The following ST6GALNAC3 variants were observed in gnomAD, a reference collection of about 807,000 sequenced individuals.
ST6GALNAC3 encodes alpha-N-acetylgalactosaminide alpha-2,6-sialyltransferase 3.
In ST6GALNAC3, 25 loss-of-function variants were observed where a neutral mutation model predicts 32.7. The observed-to-expected ratio is 0.76, with a 90% confidence interval of 0.56 to 1.07. The LOEUF is 1.07. Ranked by LOEUF, ST6GALNAC3 falls within the 50% of genes least tolerant of loss-of-function variation. ST6GALNAC3 has a pLI of 0.00. For synonymous variants in ST6GALNAC3, 129 were observed against 133.1 expected, an observed-to-expected ratio of 0.97 and a Z score of 0.21; for missense variants, 355 against 382.4, an observed-to-expected ratio of 0.93 and a Z score of 0.60.
intron 1 of ST6GALNAC3, among the ~76,000 whole-genome samples, chr1:76,138,825 T>C (rs1231590512): frequency 6.6e-6 from 1 of 152,154 alleles, no homozygotes; most frequent in Admixed American, 6.5e-5. Flanking sequence ...AGCTTTGTAA[T>C]GGCAGCCAAA....
intron 3 of ST6GALNAC3, among the ~76,000 whole-genome samples, chr1:76,430,024 G>A (rs1655647676): frequency 6.6e-6 from 1 of 152,116 alleles, no homozygotes; most frequent in Non-Finnish European, 1.5e-5. Context: ...CTAAAACTAG[G>A]TTGGCCTTTA....
intron 1 of ST6GALNAC3, among the ~76,000 whole-genome samples, chr1:76,255,772 C>T (rs186706926): frequency 1.9e-3 from 285 of 152,036 alleles, no homozygotes; most frequent in African/African-American, 6.4e-3. Flanking sequence ...CTTAATCTTT[C>T]TCTCTTGCGT....
chr1:76,305,444 A>G (rs1660990680), intron 1 of ST6GALNAC3, among the ~76,000 whole-genome samples: 1 of 152,074 alleles, frequency 6.6e-6, no homozygotes, highest in Non-Finnish European at 1.5e-5. Flanking sequence ...GGTCTTGTAT[A>G]TCATACCAAG....
chr1:76,628,702 G>A lies in ST6GALNAC3; in HGVS notation c.814G>A (p.Ala272Thr). 6.2e-7 allele frequency: 1 copy of A among 1,612,290 alleles called. No individual in the cohort carries two copies. Among genetic ancestry groups the A allele is most frequent in the African/African-American group, 1.3e-5 (1 of 74,866 alleles). Residue 272 changes from alanine to threonine, a missense_variant, in exon 5 of 5, where the codon GCC (alanine) becomes ACC (threonine). Transcript: ENST00000328299. ...TGATGAATATTTTCTTCATGAACAT[G>A]CCCCATATGGGGGTCATAGGTTTAT... ...ECDEYFLHEH[A>T]PYGGHRFITE...
Position 76,074,794 on chromosome 1 carries a change from C to T in ST6GALNAC3, c.-73C>T. On this transcript the variant is annotated 5_prime_UTR_variant, in exon 1 of 5. Coordinates refer to ENST00000328299, the MANE Select transcript of ST6GALNAC3 (RefSeq NM_152996.4). ...AGAGGTCCTGCCGTGGTACCAGCCTCCAGCCTGCCCCCAGGACTGCCCCTG... is the reference window on the plus strand; with the variant it reads ...AGAGGTCCTGCCGTGGTACCAGCCTTCAGCCTGCCCCCAGGACTGCCCCTG... 6.5e-7 allele frequency: 1 copy of T among 1,537,032 alleles called. No homozygotes were observed. The highest frequency in any genetic ancestry group is 8.8e-7 in the Non-Finnish European group (1 of 1,138,222).
intron 1 of ST6GALNAC3, among the ~76,000 whole-genome samples, chr1:76,293,257 A>G (rs1479032174): frequency 6.6e-6 from 1 of 152,152 alleles, no homozygotes; most frequent in African/African-American, 2.4e-5. Context: ...GATTTTGCCA[A>G]TAATGCTGTT....
chr1:76,281,941 C>A (rs1557751016), intron 1 of ST6GALNAC3, among the ~76,000 whole-genome samples: 1 of 152,110 alleles, frequency 6.6e-6, no homozygotes, highest in Non-Finnish European at 1.5e-5. Flanking sequence ...GTTAGCTCAA[C>A]TGACGATACC....
chr1:76,387,783 A>G (rs938223328), intron 2 of ST6GALNAC3, among the ~76,000 whole-genome samples: 1 of 152,136 alleles, frequency 6.6e-6, no homozygotes, highest in Non-Finnish European at 1.5e-5. Context: ...TTGATCTGAG[A>G]TACAGCATTC....
At chr1:76,535,851 G>A (rs1170912102) in intron 3 of ST6GALNAC3, among the ~76,000 whole-genome samples, 1 of 151,722 alleles carries the variant, frequency 6.6e-6, no homozygotes, top group African/African-American at 2.4e-5. Context: ...AAAGTTATTT[G>A]TCTTAAAGAA....
chr1:76,563,072 C>A (rs1398972239), intron 3 of ST6GALNAC3, among the ~76,000 whole-genome samples: 2 of 152,190 alleles, frequency 1.3e-5, no homozygotes, highest in African/African-American at 2.4e-5. Flanking sequence ...TTCAGGCAAC[C>A]TAACAATATG....
At chr1:76,117,353 A>C (rs1429833159) in intron 1 of ST6GALNAC3, among the ~76,000 whole-genome samples, 1 of 152,246 alleles carries the variant, frequency 6.6e-6, no homozygotes, top group Non-Finnish European at 1.5e-5. Flanking sequence ...TTGCAGTCTA[A>C]GCAAAAACAC....
intron 3 of ST6GALNAC3, among the ~76,000 whole-genome samples, chr1:76,417,652 C>T (rs1410343001): frequency 6.6e-6 from 1 of 152,106 alleles, no homozygotes; most frequent in East Asian, 1.9e-4. Flanking sequence ...TGGGCAATTG[C>T]AGCTTGGATT....
chr1:76,204,623 T>G (rs1470681831), intron 1 of ST6GALNAC3, among the ~76,000 whole-genome samples: 2 of 152,220 alleles, frequency 1.3e-5, no homozygotes, highest in African/African-American at 4.8e-5. Flanking sequence ...GGCACTATTC[T>G]GTATATTCCT....
At position 76,453,579 on chromosome 1, in the gene ST6GALNAC3, C is replaced by T. The variant is rs568042633; in HGVS notation, c.623+41162C>T. Among the ~76,000 whole-genome samples, 6 of 152,134 alleles carry T rather than the reference C, an allele frequency of 3.9e-5. No homozygotes were observed. The East Asian group carries it at 7.7e-4, about 20-fold the overall frequency. On this transcript the variant is annotated intron_variant, in intron 3 of 4. Coordinates refer to ENST00000328299, the MANE Select transcript of ST6GALNAC3 (RefSeq NM_152996.4). ...AGGTTATTTAATTCCAATGTATTTG[C>T]GTGGTTCTGAGGGTTCCTTTTCGAG...
intron 1 of ST6GALNAC3, among the ~76,000 whole-genome samples, chr1:76,101,715 GT>G (rs1252573098): frequency 3.3e-5 from 5 of 152,094 alleles, no homozygotes; most frequent in Admixed American, 3.3e-4. Flanking sequence ...CTTAAGTACT[GT>G]TTTTGCTGTT....
intron 2 of ST6GALNAC3, among the ~76,000 whole-genome samples, chr1:76,346,544 T>G (rs1347973603): frequency 6.6e-6 from 1 of 152,220 alleles, no homozygotes; most frequent in Non-Finnish European, 1.5e-5. Context: ...TAAGGCAAGG[T>G]TGGTACAAAT....
chr1:76,382,957 C>T (rs1221576501), intron 2 of ST6GALNAC3, among the ~76,000 whole-genome samples: 5 of 152,132 alleles, frequency 3.3e-5, no homozygotes, highest in East Asian at 1.9e-4. Context: ...TACCTAGGTA[C>T]GTTAGAACGA....
intron 1 of ST6GALNAC3, among the ~76,000 whole-genome samples, chr1:76,311,431 G>T (rs537447671): frequency 6.6e-6 from 1 of 152,072 alleles, no homozygotes; most frequent in South Asian, 2.1e-4. Flanking sequence ...CCCTCTCCTA[G>T]CCCCCCATTC....
At chr1:76,256,637 G>A (rs545653875) in intron 1 of ST6GALNAC3, among the ~76,000 whole-genome samples, 1 of 151,804 alleles carries the variant, frequency 6.6e-6, no homozygotes, top group Non-Finnish European at 1.5e-5. Flanking sequence ...TGCCAGGGGG[G>A]TGGGGTGGGG....
Sources: gnomAD v4.1 joint callset for allele counts (sites outside exome capture counted in the v4.1 genomes callset) on GRCh38, gnomAD v4.1.1 for gene constraint, MANE v1.5 for transcripts, NCBI Gene and HGNC (gene_info 2026-07-23, HGNC 2026-07-21) for gene names.